Variants in VPS13B observed in about 807,000 individuals in gnomAD.
The protein encoded by VPS13B is vacuolar protein sorting 13 homolog B, also known as intermembrane lipid transfer protein VPS13B.
A neutral mutation model predicts 426.4 loss-of-function variants in VPS13B; 285 were observed. The observed-to-expected ratio is 0.67, with a 90% CI of 0.61 to 0.74. VPS13B has a LOEUF of 0.74. VPS13B is among the 30% of genes least tolerant of loss of function. The probability of loss-of-function intolerance (pLI) is 0.00; values close to 1 mark genes in which losing one functional copy is unlikely to be tolerated. For synonymous variants in VPS13B, 1,676 were observed against 1,676.4 expected (o/e 1.00, Z 0.01); for missense variants, 4,537 against 4,782.6 (o/e 0.95, Z 1.51).
At chr8:99,382,301 C>T (rs997142193) in intron 19 of VPS13B, among the ~76,000 whole-genome samples, 1 of 152,126 alleles carries the variant, frequency 6.6e-6, no homozygotes, top group Admixed American at 6.6e-5. Context: ...ATTGCCTTGA[C>T]TACTCAAGCT....
intron 19 of VPS13B, among the ~76,000 whole-genome samples, chr8:99,319,933 T>C (rs867578611): frequency 3.3e-5 from 5 of 152,330 alleles, no homozygotes; most frequent in Middle Eastern, 3.4e-3. Context: ...ATCTCTTTTA[T>C]GCACCACTTT....
At chr8:99,499,254 A>G (rs1821099691) in intron 25 of VPS13B, among the ~76,000 whole-genome samples, 1 of 152,116 alleles carries the variant, frequency 6.6e-6, no homozygotes, top group Non-Finnish European at 1.5e-5. Context: ...AACATGTTTA[A>G]CAATACCAAA....
Position 99,121,302 on chromosome 8 carries a change from G to T in VPS13B, c.1063G>T (p.Ala355Ser), listed in dbSNP as rs1484332303. 6.2e-7 allele frequency: 1 copy of T among 1,614,138 alleles called. No individual in the cohort carries two copies. The highest frequency in any genetic ancestry group is 8.5e-7 in the Non-Finnish European group (1 of 1,180,024). The change falls in exon 8 of 62, where the codon GCA (alanine) becomes TCA (serine). Residue 355 changes from alanine (A) to serine (S), a missense_variant. Coordinates refer to ENST00000357162, the MANE Select transcript of VPS13B (RefSeq NM_152564.5). The part of the protein sequence containing the change: ...WVSWAWSFVP[A>S]IVSYDDGEED... The stretch of plus-strand genomic sequence containing the variant: ...GTCATGGGCCTGGTCCTTTGTGCCT[G>T]CAATTGTGAGTTATGACGATGGCGA...
intron 35 of VPS13B, among the ~76,000 whole-genome samples, chr8:99,665,127 T>C (rs1830429535): frequency 6.6e-6 from 1 of 152,220 alleles, no homozygotes; most frequent in South Asian, 2.1e-4. Flanking sequence ...TTTTGAGAAG[T>C]GTCTGTTCAT....
intron 3 of VPS13B, among the ~76,000 whole-genome samples, chr8:99,042,979 T>C (rs1378968122): frequency 6.6e-6 from 1 of 152,192 alleles, no homozygotes; most frequent in Non-Finnish European, 1.5e-5. Context: ...GCAGCTGTTT[T>C]GATTTGAATG....
At chr8:99,871,325 G>C in intron 60 of VPS13B, 123 bp from the exon 61 acceptor site, 1 of 1,422,604 alleles carries the variant, frequency 7.0e-7, no homozygotes, top group Non-Finnish European at 9.8e-7. Context: ...GCTAAAATGG[G>C]TAACTGGATT....
intron 19 of VPS13B, among the ~76,000 whole-genome samples, chr8:99,307,475 A>G (rs1169776563): frequency 6.6e-6 from 1 of 152,128 alleles, no homozygotes; most frequent in Admixed American, 6.6e-5. Flanking sequence ...GAACAATAAA[A>G]TGAAACTTCA....
chr8:99,858,472 G>A (rs1313018330), intron 56 of VPS13B, among the ~76,000 whole-genome samples: 1 of 152,192 alleles, frequency 6.6e-6, no homozygotes, highest in Admixed American at 6.5e-5. Context: ...GAATGTCCCT[G>A]TCACAGAGTT....
intron 23 of VPS13B, among the ~76,000 whole-genome samples, chr8:99,464,983 T>TC (rs1819035967): frequency 2.0e-5 from 3 of 152,164 alleles, no homozygotes; most frequent in African/African-American, 7.2e-5. Flanking sequence ...ACATTTTGCT[T>TC]GAAAATTTTT....
At chr8:99,065,397 A>T (rs370033842) in intron 3 of VPS13B, among the ~76,000 whole-genome samples, 20 of 152,196 alleles carry the variant, frequency 1.3e-4, no homozygotes, top group Admixed American at 3.9e-4. Context: ...CATAAACAGA[A>T]CTAAAGACAA....
rs1166850181 is a variant in VPS13B, at chr8:99,431,641, G to T, written c.3187G>T (p.Ala1063Ser). ...GGAATTTATTGGAATTGTTTGGAAT[G>T]CAGTGAAGCATCTCACACTACAGGT... ...MKEFIGIVWN[A>S]VKHLTLQLEV... The change falls in exon 22 of 62, where the codon GCA becomes TCA. Residue 1063 changes from alanine (A) to serine (S), a missense_variant. Transcript: ENST00000357162. The T allele has an allele frequency of 9.9e-6, 16 of 1,613,270 alleles. No individual in the cohort carries two copies. The highest frequency in any genetic ancestry group is 1.4e-5 in the Non-Finnish European group (16 of 1,179,616).
At chr8:99,802,422 T>G (rs1813172937) in intron 43 of VPS13B, among the ~76,000 whole-genome samples, 1 of 152,322 alleles carries the variant, frequency 6.6e-6, no homozygotes, top group Middle Eastern at 3.4e-3. Flanking sequence ...TACCTAAAAA[T>G]GTGACCTCTG....
chr8:99,734,835 A>G (rs1013354858), intron 39 of VPS13B, among the ~76,000 whole-genome samples: 39 of 152,198 alleles, frequency 2.6e-4, no homozygotes, highest in Admixed American at 2.4e-3. Context: ...ACAGATTTCA[A>G]TGCCCGGATG....
chr8:99,780,252 T>C (rs1177325794), intron 42 of VPS13B, among the ~76,000 whole-genome samples: 1 of 152,150 alleles, frequency 6.6e-6, no homozygotes, highest in Non-Finnish European at 1.5e-5. Flanking sequence ...TTTTTGGTTG[T>C]ATTTTGAACA....
At chr8:99,835,517 T>G (rs561265916) in intron 53 of VPS13B, 22 bp from the exon 54 acceptor site, 2 of 1,611,688 alleles carry the variant, frequency 1.2e-6, no homozygotes, top group African/African-American at 1.3e-5. Flanking sequence ...TAATTCTGCA[T>G]ATGCCTTTTT....
At chr8:99,655,963 T>G (rs1320716808) in intron 34 of VPS13B, among the ~76,000 whole-genome samples, 1 of 152,118 alleles carries the variant, frequency 6.6e-6, no homozygotes, top group Non-Finnish European at 1.5e-5. Context: ...AATGAAGGGT[T>G]TTTTCTGAAG....
At chr8:99,317,605 C>T (rs976249090) in intron 19 of VPS13B, among the ~76,000 whole-genome samples, 2 of 152,054 alleles carry the variant, frequency 1.3e-5, no homozygotes, top group African/African-American at 4.8e-5. Flanking sequence ...ACCATTCCTT[C>T]TTCTCAGTCC....
chr8:99,101,683 G>A (rs1021330259), intron 4 of VPS13B, among the ~76,000 whole-genome samples: 3 of 152,180 alleles, frequency 2.0e-5, no homozygotes, highest in African/African-American at 7.2e-5. Context: ...TCGAATCTAA[G>A]TTGTATTACA....
At chr8:99,696,725 C>T in intron 35 of VPS13B, 1 of 982,468 alleles carries the variant, frequency 1.0e-6, no homozygotes, top group Admixed American at 1.7e-5. Flanking sequence ...TCCGTTTTCC[C>T]AGAAGATCCG....
Sources: allele counts gnomAD v4.1 joint callset (sites outside exome capture counted in the v4.1 genomes callset), GRCh38; gene constraint gnomAD v4.1.1; transcripts MANE v1.5; gene names NCBI Gene and HGNC (gene_info 2026-07-23, HGNC 2026-07-21).